The following ERG variants were observed in gnomAD, a reference collection of about 807,000 sequenced individuals.
ERG encodes transcriptional regulator ERG.
Under a neutral mutation model 55.3 loss-of-function variants are expected in ERG, and 9 were observed. The observed-to-expected ratio is 0.16, with a 90% CI of 0.10 to 0.28. The LOEUF (loss-of-function observed/expected upper bound fraction) is 0.28, where lower values mean the gene tolerates loss of function less well. Ranked by LOEUF, ERG falls within the 10% of genes least tolerant of loss-of-function variation. ERG has a pLI of 1.00. For missense variants in ERG, 434 were observed against 631.6 expected, an observed-to-expected ratio of 0.69 and a Z score of 3.35; for synonymous variants, 223 against 237.3, an observed-to-expected ratio of 0.94 and a Z score of 0.55.
chr21:38,484,182 C>T (rs934774864), intron 1 of ERG, among the ~76,000 whole-genome samples: 2 of 152,108 alleles, frequency 1.3e-5, no homozygotes, highest in Non-Finnish European at 1.5e-5. Flanking sequence ...CCAGGCTGGT[C>T]GTGAACTCCT....
At chr21:38,453,033 T>C (rs1357567221) in intron 1 of ERG, among the ~76,000 whole-genome samples, 1 of 152,208 alleles carries the variant, frequency 6.6e-6, no homozygotes, top group Non-Finnish European at 1.5e-5. Flanking sequence ...CACAAACTTC[T>C]ATTACATCCA....
At chr21:38,502,419 C>T (rs146324337), upstream of ERG, 53 of 154,804 alleles carry the variant, frequency 3.4e-4, 2 homozygotes, top group South Asian at 3.0e-3. Flanking sequence ...ACACCATGAG[C>T]GAAGCTAACC....
chr21:38,380,904 G>T lies in ERG; in HGVS notation c.*2499C>A. Reference sequence around the variant, plus strand: ...AATGTGTATTTCTATGAAGAATGTAGGTGTGTCTTGACTTTGCATTCCAAA... The same window carrying T: ...AATGTGTATTTCTATGAAGAATGTATGTGTGTCTTGACTTTGCATTCCAAA... On this transcript the variant is annotated 3_prime_UTR_variant, in exon 10 of 10. Transcript: ENST00000288319. 1 of 1,065,212 alleles carries T rather than the reference G, an allele frequency of 9.4e-7. No homozygotes were observed. The highest frequency in any genetic ancestry group is 1.1e-6 in the Non-Finnish European group (1 of 879,202). 66.0% of individuals were successfully genotyped at this position (1,065,212 alleles called of 1,614,324 possible). A position where few individuals can be genotyped will look rare whatever the true frequency, so the allele number is the denominator to read the frequency against.
At chr21:38,437,438 C>G (rs12481820) in intron 2 of ERG, among the ~76,000 whole-genome samples, 2 of 152,058 alleles carry the variant, frequency 1.3e-5, no homozygotes, top group Non-Finnish European at 2.9e-5. Flanking sequence ...AGCAGAAACA[C>G]GAGCATTGGC....
chr21:38,587,631 C>T (rs1464899015), upstream of ERG, among the ~76,000 whole-genome samples: 3 of 152,204 alleles, frequency 2.0e-5, no homozygotes, highest in Non-Finnish European at 2.9e-5. Context: ...GGATTACAGG[C>T]GTGAGCCACG....
intron 6 of ERG, among the ~76,000 whole-genome samples, chr21:38,398,427 T>C (rs756278560): frequency 6.6e-5 from 10 of 152,224 alleles, no homozygotes; most frequent in Non-Finnish European, 1.3e-4. Flanking sequence ...TTGGTTCTCA[T>C]AATCACAGTA....
At chr21:38,480,790 C>A (rs1424594530) in intron 1 of ERG, among the ~76,000 whole-genome samples, 2 of 152,032 alleles carry the variant, frequency 1.3e-5, no homozygotes, top group South Asian at 4.1e-4. Context: ...TTAGGAAAAT[C>A]TGGCTCTTAT....
chr21:38,494,794 G>A (rs2059366383), intron 1 of ERG, among the ~76,000 whole-genome samples: 1 of 152,232 alleles, frequency 6.6e-6, no homozygotes, highest in Admixed American at 6.5e-5. Context: ...GGGTCACTGA[G>A]TCAGGGTGCC....
At chr21:38,453,555 T>C (rs1448537976) in intron 1 of ERG, among the ~76,000 whole-genome samples, 2 of 152,200 alleles carry the variant, frequency 1.3e-5, no homozygotes, top group Non-Finnish European at 2.9e-5. Context: ...AACATGCCTG[T>C]GATGTGAATA....
At chr21:38,620,329 C>A (rs371138085) in intron 1 of ERG, among the ~76,000 whole-genome samples, 1 of 152,176 alleles carries the variant, frequency 6.6e-6, no homozygotes, top group African/African-American at 2.4e-5. Flanking sequence ...TCTCCCAGGA[C>A]GTAAAAACAA....
intron 3 of ERG, among the ~76,000 whole-genome samples, chr21:38,414,376 T>A (rs990903026): frequency 2.0e-5 from 3 of 152,304 alleles, no homozygotes; most frequent in East Asian, 3.9e-4. Context: ...TCTAAGGAAC[T>A]GGGGGTTAGG....
At chr21:38,507,056 C>T (rs985585424) in intron 2 of ERG, among the ~76,000 whole-genome samples, 4 of 152,006 alleles carry the variant, frequency 2.6e-5, no homozygotes, top group African/African-American at 9.7e-5. Context: ...CCCAGCTTCG[C>T]TGGGGTGCAA....
chr21:38,642,766 T>G (rs1320145034), intron 1 of ERG, among the ~76,000 whole-genome samples: 1 of 152,182 alleles, frequency 6.6e-6, no homozygotes, highest in Non-Finnish European at 1.5e-5. Context: ...TTCAGCATCA[T>G]TGGTCAAAGG....
At chr21:38,571,147 C>A (rs1173726154) in intron 2 of ERG, among the ~76,000 whole-genome samples, 1 of 152,114 alleles carries the variant, frequency 6.6e-6, no homozygotes, top group Non-Finnish European at 1.5e-5. Flanking sequence ...CAGCTCCACC[C>A]CTTCAGAGAG....
chr21:38,512,986 C>T (rs1197571465), intron 2 of ERG, among the ~76,000 whole-genome samples: 1 of 151,952 alleles, frequency 6.6e-6, no homozygotes, highest in African/African-American at 2.4e-5. Flanking sequence ...CAAAAATTAG[C>T]TGGGCATGGT....
chr21:38,473,835 CATGTGT>C (rs2059162424), intron 1 of ERG, among the ~76,000 whole-genome samples: 1 of 151,476 alleles, frequency 6.6e-6, no homozygotes, highest in African/African-American at 2.4e-5. Context: ...CGTACGTATG[CATGTGT>C]ATGTGTACAT....
intron 1 of ERG, among the ~76,000 whole-genome samples, chr21:38,620,872 A>G (rs1374236534): frequency 6.6e-6 from 1 of 152,236 alleles, no homozygotes; most frequent in Non-Finnish European, 1.5e-5. Context: ...TCTGTTTGGA[A>G]GCTCCTTCTA....
intron 1 of ERG, among the ~76,000 whole-genome samples, chr21:38,495,664 G>A (rs188260708): frequency 1.7e-3 from 265 of 152,128 alleles, no homozygotes; most frequent in African/African-American, 6.3e-3. Flanking sequence ...TTTCTTTTTA[G>A]GCACCAGAAA....
chr21:38,604,202 C>G (rs983841225), intron 1 of ERG, among the ~76,000 whole-genome samples: 2 of 149,080 alleles, frequency 1.3e-5, no homozygotes, highest in Admixed American at 6.7e-5. Flanking sequence ...TGCAGTGAGC[C>G]GAGATCGCAC....
Sources: gnomAD v4.1 joint callset for allele counts (sites outside exome capture counted in the v4.1 genomes callset) on GRCh38, gnomAD v4.1.1 for gene constraint, MANE v1.5 for transcripts, NCBI Gene and HGNC (gene_info 2026-07-23, HGNC 2026-07-21) for gene names.